PPP1CB: variants seen among roughly 807,000 people sequenced by gnomAD.
PPP1CB encodes protein phosphatase 1 catalytic subunit beta, also known as serine/threonine-protein phosphatase PP1-beta catalytic subunit.
Under a neutral mutation model 43.7 loss-of-function variants are expected in PPP1CB, and 2 were observed. The observed-to-expected ratio is 0.05, with a 90% CI of 0.02 to 0.14. PPP1CB has a LOEUF of 0.14. Among genes scored for constraint, PPP1CB ranks in the 10% least tolerant of loss-of-function variants. The pLI, the probability that PPP1CB is intolerant of heterozygous loss-of-function variation, is 1.00. For missense variants in PPP1CB, 84 were observed against 398.0 expected, an observed-to-expected ratio of 0.21 and a Z score of 6.71; for synonymous variants, 136 against 135.6, an observed-to-expected ratio of 1.00 and a Z score of -0.02.
intron 6 of PPP1CB, among the ~76,000 whole-genome samples, chr2:28,791,188 AG>A (rs1400651550): frequency 6.6e-6 from 1 of 151,982 alleles, no homozygotes; most frequent in Non-Finnish European, 1.5e-5. Flanking sequence ...TTTGATCCTA[AG>A]TGATAAAAAT....
intron 7 of PPP1CB, 49 bp from the exon 8 acceptor site, chr2:28,799,150 A>G (rs767542551): frequency 7.9e-7 from 1 of 1,273,884 alleles, no homozygotes; most frequent in Non-Finnish European, 1.1e-6. Context: ...AATTTTCTTA[A>G]CTTCTGTACA....
intron 1 of PPP1CB, among the ~76,000 whole-genome samples, chr2:28,773,311 T>G (rs1666954242): frequency 6.6e-6 from 1 of 152,118 alleles, no homozygotes; most frequent in Non-Finnish European, 1.5e-5. Context: ...ATCCAAAAAT[T>G]TTATGTGGTG....
rs1667584240 is a variant in PPP1CB at position 28,800,227 on chromosome 2, T to TTTTTTTTTTTTTTTTTTTTTTTTTTC, written c.*946_*947insTTTCTTTTTTTTTTTTTTTTTTTTTT. ...TGGTTTTCTTTTTCTTTTTTCTTTC[T>TTTTTTTTTTTTTTTTTTTTTTTTTTC]TTTTTTTTTTTTTTTTTTTTTTGAG... On this transcript the variant is annotated 3_prime_UTR_variant, in exon 8 of 8. Transcript: ENST00000395366. 1 of 3,464 alleles carries TTTTTTTTTTTTTTTTTTTTTTTTTTC rather than the reference T, an allele frequency of 2.9e-4. No homozygotes were observed. Among genetic ancestry groups the TTTTTTTTTTTTTTTTTTTTTTTTTTC allele is most frequent in the African/African-American group, 7.2e-4 (1 of 1,388 alleles). The allele number at this position is 3,464 out of a possible 1,614,324, so 0.2% of individuals were successfully genotyped here.
intron 5 of PPP1CB, among the ~76,000 whole-genome samples, chr2:28,784,413 A>T (rs865881323): frequency 6.6e-6 from 1 of 151,984 alleles, no homozygotes; most frequent in Non-Finnish European, 1.5e-5. Context: ...TATGTCCTCT[A>T]TTTGAAATTT....
intron 1 of PPP1CB, among the ~76,000 whole-genome samples, chr2:28,766,685 A>G (rs1276202787): frequency 2.6e-5 from 4 of 152,152 alleles, no homozygotes; most frequent in Non-Finnish European, 4.4e-5. Flanking sequence ...AAGGAACACC[A>G]CTCAGAACCA....
At chr2:28,776,669 C>G (rs1414760733) in intron 1 of PPP1CB, among the ~76,000 whole-genome samples, 182 bp from the exon 2 acceptor site, 1 of 152,124 alleles carries the variant, frequency 6.6e-6, no homozygotes. Flanking sequence ...CATCAGGAAC[C>G]AGTAACAATG....
intron 6 of PPP1CB, among the ~76,000 whole-genome samples, chr2:28,793,341 A>G (rs1334467533): frequency 6.6e-6 from 1 of 152,238 alleles, no homozygotes; most frequent in East Asian, 1.9e-4. Context: ...GCCATGTAAT[A>G]ATAATACATA....
chr2:28,766,375 T>TA (rs1666777003), intron 1 of PPP1CB, among the ~76,000 whole-genome samples: 1 of 152,228 alleles, frequency 6.6e-6, no homozygotes, highest in Admixed American at 6.5e-5. Context: ...GGTTCAGTAA[T>TA]ACCTGATTAA....
chr2:28,794,991 C>G (rs192683724), intron 7 of PPP1CB, among the ~76,000 whole-genome samples: 2 of 152,214 alleles, frequency 1.3e-5, no homozygotes, highest in African/African-American at 2.4e-5. Flanking sequence ...CACATTCCCC[C>G]TCACCCTTTC....
In PPP1CB at chr2:28,788,792, A is replaced by G; in HGVS notation, c.727A>G (p.Ile243Val). Residue 243 changes from isoleucine to valine, a missense_variant, in exon 6 of 8, where the codon ATT becomes GTT. This residue lies in a region of PPP1CB where 11 missense variants were observed against 17.3 expected (regional missense o/e 0.64). Transcript: ENST00000395366. ...KFLNRHDLDL[I>V]CRAHQVVEDG... The stretch of plus-strand genomic sequence containing the variant: ...TCTGAATCGTCATGATTTAGATTTG[A>G]TTTGTCGAGCTCATCAGGTATGAAA... 1 of 1,610,056 alleles carries G rather than the reference A, an allele frequency of 6.2e-7. No homozygotes were observed. Among genetic ancestry groups the G allele is most frequent in the Non-Finnish European group, 8.5e-7 (1 of 1,179,076 alleles).
chr2:28,771,055 C>CCCCCCCT (rs1558302176), intron 1 of PPP1CB, among the ~76,000 whole-genome samples: 21 of 59,596 alleles, frequency 3.5e-4, no homozygotes, highest in Non-Finnish European at 4.8e-4. Flanking sequence ...CCCCCCCACC[C>CCCCCCCT]TTTTTTTTTT....
rs767113509 is a variant in PPP1CB, at chr2:28,779,056, A to G, written c.415+17A>G. 2.0e-6 allele frequency: 3 copies of G among 1,512,364 alleles called. No homozygotes were observed. The highest frequency in any genetic ancestry group is 2.7e-6 in the Non-Finnish European group (3 of 1,100,850). 93.7% of individuals were successfully genotyped at this position (1,512,364 alleles called of 1,614,324 possible). A position where few individuals can be genotyped will look rare whatever the true frequency, so the allele number is the denominator to read the frequency against. On this transcript the variant is annotated intron_variant, in intron 3 of 7. Coordinates refer to ENST00000395366, the MANE Select transcript of PPP1CB (RefSeq NM_002709.3). ...ATGATGAATGTAAGTGAAAATAAAG[A>G]CTTAGAAAAGTAATTCATGGAAACA...
At chr2:28,771,121 G>A (rs1177974256) in intron 1 of PPP1CB, among the ~76,000 whole-genome samples, 5 of 136,692 alleles carry the variant, frequency 3.7e-5, no homozygotes, top group Admixed American at 2.6e-4. Context: ...TGGCACGATC[G>A]TGGCTCACTG....
intron 1 of PPP1CB, 118 bp downstream of exon 1, chr2:28,752,294 G>A (rs1666322888): frequency 2.0e-6 from 2 of 1,004,200 alleles, no homozygotes; most frequent in South Asian, 3.4e-5. Flanking sequence ...CGAGTCTCTG[G>A]GAGCGCGGCG....
At chr2:28,752,575 G>C (rs1440848360) in intron 1 of PPP1CB, among the ~76,000 whole-genome samples, 1 of 152,226 alleles carries the variant, frequency 6.6e-6, no homozygotes, top group Non-Finnish European at 1.5e-5. Context: ...TGGAATCACT[G>C]TTCTTCTCTG....
rs1206429301 is a variant in PPP1CB, at chr2:28,800,884, A to G, written c.*1581A>G. On this transcript the variant is annotated 3_prime_UTR_variant, in exon 8 of 8. Transcript: ENST00000395366. ...AAACCTGTTAACTTACATTTTATGA[A>G]TTGGCACATTGTATTACTTACTGCA... 6.6e-6 allele frequency: 1 copy of G among 152,538 alleles called. No homozygotes were observed. Among genetic ancestry groups the G allele is most frequent in the Non-Finnish European group, 1.5e-5 (1 of 67,962 alleles). The allele number at this position is 152,538 out of a possible 1,614,324, so 9.4% of individuals were successfully genotyped here.
At chr2:28,772,576 T>TCTTA (rs1374668009) in intron 1 of PPP1CB, among the ~76,000 whole-genome samples, 1 of 152,208 alleles carries the variant, frequency 6.6e-6, no homozygotes, top group Non-Finnish European at 1.5e-5. Context: ...CCCATGGATA[T>TCTTA]TCATAGCATT....
At chr2:28,775,430 C>T (rs1188558033) in intron 1 of PPP1CB, among the ~76,000 whole-genome samples, 1 of 152,104 alleles carries the variant, frequency 6.6e-6, no homozygotes, top group East Asian at 1.9e-4. Context: ...TTTGCAGAGA[C>T]AGGGTCTTGC....
chr2:28,796,028 A>G (rs1667490527), intron 7 of PPP1CB, among the ~76,000 whole-genome samples: 1 of 152,150 alleles, frequency 6.6e-6, no homozygotes, highest in Non-Finnish European at 1.5e-5. Context: ...TTATCTTAGC[A>G]CCATTTATCA....
Sources: gnomAD v4.1 joint callset for allele counts (sites outside exome capture counted in the v4.1 genomes callset) on GRCh38, gnomAD v4.1.1 for gene constraint, gnomAD v4.1.1 regional missense constraint, MANE v1.5 for transcripts, NCBI Gene and HGNC (gene_info 2026-07-23, HGNC 2026-07-21) for gene names.